Variants in NALF1 observed in about 807,000 individuals in gnomAD.
The protein encoded by NALF1 is NALCN channel auxiliary factor 1, also known as family with sequence similarity 155 member A.
A neutral mutation model predicts 48.4 loss-of-function variants in NALF1; 3 were observed. The observed-to-expected ratio is 0.06, with a 90% confidence interval of 0.03 to 0.16. The LOEUF is 0.16. Among genes scored for constraint, NALF1 ranks in the 10% least tolerant of loss-of-function variants. NALF1 has a pLI of 1.00. For missense variants in NALF1, 526 were observed against 571.5 expected, an observed-to-expected ratio of 0.92 and a Z score of 0.81; for synonymous variants, 262 against 245.7, an observed-to-expected ratio of 1.07 and a Z score of -0.62.
At chr13:107,230,109 C>T (rs2138823898) in intron 1 of NALF1, among the ~76,000 whole-genome samples, 1 of 152,282 alleles carries the variant, frequency 6.6e-6, no homozygotes, top group African/African-American at 2.4e-5. Context: ...ATTCGGCCTC[C>T]TCTCTTTATG....
At chr13:107,210,124 C>CT (rs1468242022) in intron 2 of NALF1, among the ~76,000 whole-genome samples, 1 of 151,958 alleles carries the variant, frequency 6.6e-6, no homozygotes, top group East Asian at 1.9e-4. Context: ...GCTCTTAATA[C>CT]TTTTTACAGA....
At chr13:107,228,809 C>T (rs960646854) in intron 1 of NALF1, among the ~76,000 whole-genome samples, 4 of 151,994 alleles carry the variant, frequency 2.6e-5, no homozygotes, top group Admixed American at 6.6e-5. Context: ...TTAGTTAAGA[C>T]GGGATTTCAC....
chr13:107,476,272 G>A (rs1885176146), intron 1 of NALF1, among the ~76,000 whole-genome samples: 1 of 151,988 alleles, frequency 6.6e-6, no homozygotes, highest in Non-Finnish European at 1.5e-5. Flanking sequence ...CAAAGGCGGT[G>A]ATTATAAAAT....
intron 1 of NALF1, among the ~76,000 whole-genome samples, chr13:107,353,510 G>T (rs1249255411): frequency 6.6e-6 from 1 of 152,160 alleles, no homozygotes; most frequent in East Asian, 1.9e-4. Context: ...CTTGTGAAAA[G>T]AATCACCAAC....
intron 1 of NALF1, among the ~76,000 whole-genome samples, chr13:107,687,334 G>A (rs930226762): frequency 9.2e-5 from 14 of 151,740 alleles, no homozygotes; most frequent in Non-Finnish European, 2.9e-5. Context: ...GAGGGGGAAG[G>A]GCTGCAAATC....
intron 1 of NALF1, among the ~76,000 whole-genome samples, chr13:107,586,874 T>C (rs1290309177): frequency 6.6e-6 from 1 of 151,758 alleles, no homozygotes; most frequent in Non-Finnish European, 1.5e-5. Context: ...GAAGGAGAAA[T>C]AGTAAGTTAT....
In NALF1 at chr13:107,167,399, GCAT is replaced by G. The variant is rs1224320420; in HGVS notation, c.*3095_*3097del. ...AGAATCAACGGATGTAGTGAAATCT[GCAT>G]CATCAGTGATTGTTTCTGAGCTTGG... On this transcript the variant is annotated 3_prime_UTR_variant, in exon 3 of 3. Coordinates refer to ENST00000375915, the MANE Select transcript of NALF1 (RefSeq NM_001080396.3). The G allele has an allele frequency of 7.9e-5, 12 of 152,176 alleles. No homozygotes were observed. Among genetic ancestry groups the G allele is most frequent in the African/African-American group, 2.9e-4 (12 of 41,436 alleles). The allele number at this position is 152,176 out of a possible 1,614,324, so 9.4% of individuals were successfully genotyped here. A position where few individuals can be genotyped will look rare whatever the true frequency, so the allele number is the denominator to read the frequency against.
chr13:107,178,729 G>T (rs752326704), intron 2 of NALF1, among the ~76,000 whole-genome samples: 1 of 152,138 alleles, frequency 6.6e-6, no homozygotes, highest in Non-Finnish European at 1.5e-5. Flanking sequence ...GGATCACGAG[G>T]TCAGGAGATC....
At chr13:107,358,894 C>T (rs746383661) in intron 1 of NALF1, among the ~76,000 whole-genome samples, 9 of 152,112 alleles carry the variant, frequency 5.9e-5, no homozygotes, top group Non-Finnish European at 1.2e-4. Flanking sequence ...TCTTTATGAA[C>T]ATTTCAACCA....
chr13:107,521,324 C>T (rs1289095870), intron 1 of NALF1, among the ~76,000 whole-genome samples: 1 of 152,220 alleles, frequency 6.6e-6, no homozygotes, highest in African/African-American at 2.4e-5. Context: ...ATCCCAGTAA[C>T]TTTATACATA....
intron 1 of NALF1, among the ~76,000 whole-genome samples, chr13:107,766,548 T>A (rs138658418): frequency 1.8e-4 from 27 of 152,192 alleles, no homozygotes; most frequent in African/African-American, 6.0e-4. Flanking sequence ...TTGTCTCAAA[T>A]ATCTGCTGCG....
intron 1 of NALF1, among the ~76,000 whole-genome samples, chr13:107,373,161 C>A (rs1210904996): frequency 6.6e-6 from 1 of 152,156 alleles, no homozygotes; most frequent in Non-Finnish European, 1.5e-5. Context: ...TAGCACCTCA[C>A]TAAATGTTGG....
chr13:107,798,237 T>C (rs1442224127), intron 1 of NALF1, among the ~76,000 whole-genome samples: 1 of 152,220 alleles, frequency 6.6e-6, no homozygotes, highest in African/African-American at 2.4e-5. Flanking sequence ...GTGTATTTTC[T>C]TGTCCTTTGC....
intron 1 of NALF1, among the ~76,000 whole-genome samples, chr13:107,541,137 A>G (rs1330226795): frequency 6.6e-6 from 1 of 152,164 alleles, no homozygotes; most frequent in Non-Finnish European, 1.5e-5. Flanking sequence ...ATAACCTTAC[A>G]AATGTACTGC....
At chr13:107,400,115 C>A (rs920824145) in intron 1 of NALF1, among the ~76,000 whole-genome samples, 1 of 152,034 alleles carries the variant, frequency 6.6e-6, no homozygotes, top group Non-Finnish European at 1.5e-5. Flanking sequence ...ATGTCTCATG[C>A]AGGTAATTGT....
intron 1 of NALF1, among the ~76,000 whole-genome samples, chr13:107,337,490 G>A (rs1408300015): frequency 1.3e-5 from 2 of 152,152 alleles, no homozygotes; most frequent in East Asian, 1.9e-4. Flanking sequence ...GAGGCTTGTC[G>A]AAATGTAATG....
chr13:107,337,026 T>G (rs1286874466), intron 1 of NALF1, among the ~76,000 whole-genome samples: 1 of 110,294 alleles, frequency 9.1e-6, no homozygotes, highest in African/African-American at 4.4e-5. Flanking sequence ...AAAAATAAAA[T>G]ATATTCTTTC....
intron 1 of NALF1, among the ~76,000 whole-genome samples, chr13:107,228,169 T>C (rs953030782): frequency 3.9e-5 from 6 of 152,344 alleles, no homozygotes; most frequent in Admixed American, 3.9e-4. Context: ...CCATCTCTTA[T>C]AGGCTATTTG....
chr13:107,329,278 A>T (rs1210419498), intron 1 of NALF1, among the ~76,000 whole-genome samples: 1 of 152,216 alleles, frequency 6.6e-6, no homozygotes, highest in African/African-American at 2.4e-5. Flanking sequence ...TGATTTAATA[A>T]CAAAGATTAA....
Sources: gnomAD v4.1 joint callset for allele counts (sites outside exome capture counted in the v4.1 genomes callset) on GRCh38, gnomAD v4.1.1 for gene constraint, MANE v1.5 for transcripts, NCBI Gene and HGNC (gene_info 2026-07-23, HGNC 2026-07-21) for gene names.